The following GABBR2 variants were observed in gnomAD, a reference collection of about 807,000 sequenced individuals.
The protein encoded by GABBR2 is G-protein coupled receptor 51.
GABBR2 carries 23 observed loss-of-function variants against 105.6 expected under a neutral mutation model. The observed-to-expected ratio is 0.22, with a 90% CI of 0.16 to 0.31. GABBR2 has a LOEUF of 0.31. Ranked by LOEUF, GABBR2 falls within the 10% of genes least tolerant of loss-of-function variation. The pLI is 1.00. For missense variants in GABBR2, 734 were observed against 1,245.5 expected, an observed-to-expected ratio of 0.59 and a Z score of 6.18; for synonymous variants, 478 against 499.7, an observed-to-expected ratio of 0.96 and a Z score of 0.58.
intron 1 of GABBR2, among the ~76,000 whole-genome samples, chr9:98,628,874 G>A (rs182124071): frequency 5.3e-5 from 8 of 152,232 alleles, no homozygotes; most frequent in Non-Finnish European, 7.4e-5. Context: ...AAACATGCAC[G>A]CGCGTGCACC....
intron 1 of GABBR2, among the ~76,000 whole-genome samples, chr9:98,660,875 C>T (rs907845105): frequency 4.6e-5 from 7 of 152,186 alleles, no homozygotes; most frequent in Non-Finnish European, 1.5e-5. Context: ...CTGGGGCCTA[C>T]CTGGATGATC....
chr9:98,294,643 A>AT (rs1830352970), intron 17 of GABBR2, among the ~76,000 whole-genome samples: 1 of 151,960 alleles, frequency 6.6e-6, no homozygotes, highest in Admixed American at 6.6e-5. Context: ...TGCCCAGCTA[A>AT]TTTTTTGTAT....
intron 13 of GABBR2, among the ~76,000 whole-genome samples, chr9:98,341,558 G>A (rs565285250): frequency 2.6e-5 from 4 of 152,346 alleles, no homozygotes; most frequent in South Asian, 2.1e-4. Context: ...GCGGCTGAGC[G>A]TTGAATTTGG....
chr9:98,603,422 T>G (rs2131806964), intron 1 of GABBR2, among the ~76,000 whole-genome samples: 1 of 152,350 alleles, frequency 6.6e-6, no homozygotes. Flanking sequence ...AGGGAGCAGT[T>G]TCATCCTGGA....
intron 1 of GABBR2, chr9:98,580,987 T>C (rs1158135785): frequency 6.6e-6 from 1 of 152,188 alleles, no homozygotes; most frequent in Non-Finnish European, 1.5e-5. Flanking sequence ...CCTCTTCATT[T>C]ATTTGAGAAA....
chr9:98,646,604 A>T (rs899378871), intron 1 of GABBR2, among the ~76,000 whole-genome samples: 1 of 152,234 alleles, frequency 6.6e-6, no homozygotes, highest in African/African-American at 2.4e-5. Context: ...GGGGACTCCA[A>T]CGCATCTTCA....
intron 1 of GABBR2, among the ~76,000 whole-genome samples, chr9:98,630,010 T>C (rs1829795734): frequency 2.0e-5 from 3 of 152,194 alleles, no homozygotes; most frequent in Non-Finnish European, 4.4e-5. Context: ...CTAAAAGTAT[T>C]CATGTGCCTC....
At chr9:98,339,853 G>A (rs1831178995) in intron 13 of GABBR2, among the ~76,000 whole-genome samples, 1 of 152,150 alleles carries the variant, frequency 6.6e-6, no homozygotes, top group Non-Finnish European at 1.5e-5. Context: ...CAAAAGCCAG[G>A]GGAATATGCT....
At chr9:98,587,560 T>C (rs780550176) in intron 1 of GABBR2, among the ~76,000 whole-genome samples, 1 of 152,134 alleles carries the variant, frequency 6.6e-6, no homozygotes, top group Non-Finnish European at 1.5e-5. Context: ...GGAGTGATAG[T>C]GAGAGCCAGA....
chr9:98,543,709 AT>A lies in GABBR2; in HGVS notation c.460-1667del, dbSNP rs760666922. Among the ~76,000 whole-genome samples the A allele has an allele frequency of 6.6e-5, 10 of 152,196 alleles. No individual in the cohort carries two copies. The East Asian group carries it at 7.7e-4, about 12-fold the overall frequency. On this transcript the variant is annotated intron_variant, in intron 2 of 18. Coordinates refer to ENST00000259455, the MANE Select transcript of GABBR2 (RefSeq NM_005458.8). ...TAGTTCCTTTCTGGAAACTGTTCAC[AT>A]TTTTTGCTTGTTTTCTAATTTGACT...
intron 1 of GABBR2, among the ~76,000 whole-genome samples, chr9:98,603,820 C>T (rs1829376183): frequency 6.6e-6 from 1 of 152,190 alleles, no homozygotes; most frequent in African/African-American, 2.4e-5. Context: ...GTTCTTACTT[C>T]CCACTGAGAG....
chr9:98,642,973 A>G (rs996885987), intron 1 of GABBR2, among the ~76,000 whole-genome samples: 1 of 152,100 alleles, frequency 6.6e-6, no homozygotes, highest in Non-Finnish European at 1.5e-5. Flanking sequence ...TATCCACATC[A>G]TAAGCATTCT....
intron 5 of GABBR2, among the ~76,000 whole-genome samples, chr9:98,476,690 T>C (rs995046517): frequency 1.3e-5 from 2 of 152,252 alleles, no homozygotes; most frequent in African/African-American, 4.8e-5. Flanking sequence ...TAGAGAAGAC[T>C]GCCCCAAACA....
intron 1 of GABBR2, among the ~76,000 whole-genome samples, chr9:98,649,283 A>G (rs1242288807): frequency 1.1e-4 from 17 of 152,216 alleles, no homozygotes; most frequent in Admixed American, 9.8e-4. Context: ...TACAGCTCAG[A>G]GGCAAATGTA....
chr9:98,540,726 A>G (rs1828278778), intron 3 of GABBR2, among the ~76,000 whole-genome samples: 1 of 152,230 alleles, frequency 6.6e-6, no homozygotes, highest in Non-Finnish European at 1.5e-5. Flanking sequence ...TGGGCTGCTA[A>G]GAACACTTGG....
At chr9:98,402,772 T>G (rs1392118393) in intron 8 of GABBR2, among the ~76,000 whole-genome samples, 3 of 152,162 alleles carry the variant, frequency 2.0e-5, no homozygotes, top group Non-Finnish European at 4.4e-5. Context: ...CATCCATCAC[T>G]GACACAGGGC....
In GABBR2 at chr9:98,293,038, C is replaced by T. The variant is rs557509005; in HGVS notation, c.2660+747G>A. ...CCTTAGCTCTAATACTAAAGAGCCCCAAATGATGCTGCAATTGGTGATTTG... is the reference window on the plus strand; with the variant it reads ...CCTTAGCTCTAATACTAAAGAGCCCTAAATGATGCTGCAATTGGTGATTTG... On this transcript the variant is annotated intron_variant, in intron 18 of 18. Transcript: ENST00000259455. Among the ~76,000 whole-genome samples, 51 of 152,304 alleles carry T rather than the reference C, an allele frequency of 3.3e-4. No individual in the cohort carries two copies. The East Asian group carries it at 9.6e-3, about 29-fold the overall frequency.
At chr9:98,674,421 T>G (rs900844791) in intron 1 of GABBR2, among the ~76,000 whole-genome samples, 1 of 149,352 alleles carries the variant, frequency 6.7e-6, no homozygotes, top group Non-Finnish European at 1.5e-5. Context: ...TTCAAAGTGC[T>G]GGCTCCTGGT....
At chr9:98,665,445 G>T (rs1024005153) in intron 1 of GABBR2, among the ~76,000 whole-genome samples, 1 of 152,168 alleles carries the variant, frequency 6.6e-6, no homozygotes. Flanking sequence ...GACACAGAAA[G>T]CTGCCAGCTT....
Sources: gnomAD v4.1 joint callset for allele counts (sites outside exome capture counted in the v4.1 genomes callset) on GRCh38, gnomAD v4.1.1 for gene constraint, MANE v1.5 for transcripts, NCBI Gene and HGNC (gene_info 2026-07-23, HGNC 2026-07-21) for gene names.